Variants in ANKRD55 observed in about 807,000 individuals in gnomAD.
The protein encoded by ANKRD55 is ankyrin repeat domain-containing protein 55.
ANKRD55 carries 41 observed loss-of-function variants against 60.6 expected under a neutral mutation model. The ratio of observed to expected loss-of-function variants is 0.68; its 90% CI spans 0.53 to 0.88. ANKRD55 has a LOEUF of 0.88. Among genes scored for constraint, ANKRD55 ranks in the 40% least tolerant of loss-of-function variants. The pLI is 0.00. For synonymous variants in ANKRD55, 264 were observed against 290.3 expected (o/e 0.91, Z 0.92); for missense variants, 732 against 767.6 (o/e 0.95, Z 0.55).
intron 2 of ANKRD55, among the ~76,000 whole-genome samples, chr5:56,186,968 A>G (rs1561285307): frequency 6.6e-6 from 1 of 152,240 alleles, no homozygotes; most frequent in African/African-American, 2.4e-5. Context: ...ATGTGCCTAT[A>G]TAACAGACAT....
At chr5:56,121,434 A>G (rs546265690) in intron 8 of ANKRD55, among the ~76,000 whole-genome samples, 15 of 142,236 alleles carry the variant, frequency 1.1e-4, no homozygotes, top group South Asian at 4.4e-4. Flanking sequence ...GTGCAGTGGC[A>G]CAATCTCGGC....
At chr5:56,226,652 A>G (rs2111897631) in intron 2 of ANKRD55, among the ~76,000 whole-genome samples, 1 of 152,350 alleles carries the variant, frequency 6.6e-6, no homozygotes, top group Non-Finnish European at 1.5e-5. Flanking sequence ...AAAAAATCAA[A>G]CAACCCCATC....
At chr5:56,168,599 T>C (rs2111809732) in intron 5 of ANKRD55, among the ~76,000 whole-genome samples, 1 of 152,332 alleles carries the variant, frequency 6.6e-6, no homozygotes, top group Non-Finnish European at 1.5e-5. Flanking sequence ...GGTATGTATG[T>C]AGAGGAAAAA....
rs546511152 is a variant in ANKRD55 at position 56,198,186 on chromosome 5, T to C, written c.59-14552A>G. On this transcript the variant is annotated intron_variant, in intron 2 of 11. Transcript: ENST00000341048. ...TAAACCTACGAACTGGGTTTCCCTA[T>C]GAGATTGAAAGTAAAAGTCTAAGAA... is the stretch of plus-strand genomic sequence containing the variant. Among the ~76,000 whole-genome samples the C allele has an allele frequency of 5.3e-5, 8 of 152,336 alleles. No individual in the cohort carries two copies. In the South Asian group the frequency reaches 1.5e-3, roughly 28 times the overall value.
chr5:56,135,626 C>T (rs1221813691), intron 7 of ANKRD55, among the ~76,000 whole-genome samples: 1 of 152,060 alleles, frequency 6.6e-6, no homozygotes, highest in Admixed American at 6.6e-5. Context: ...GCATCGGCCT[C>T]CCAAAGTGCT....
At chr5:56,222,193 T>C (rs1425018011) in intron 2 of ANKRD55, among the ~76,000 whole-genome samples, 1 of 152,176 alleles carries the variant, frequency 6.6e-6, no homozygotes, top group Non-Finnish European at 1.5e-5. Context: ...TCTGCAATAT[T>C]TGTGGTTCTG....
intron 6 of ANKRD55, among the ~76,000 whole-genome samples, chr5:56,153,294 C>T (rs1758101062): frequency 2.0e-5 from 3 of 151,964 alleles, no homozygotes; most frequent in Admixed American, 6.6e-5. Flanking sequence ...AACAACGACA[C>T]GCAGCTATTT....
chr5:56,115,370 G>A (rs1756857495), intron 9 of ANKRD55, among the ~76,000 whole-genome samples: 1 of 149,882 alleles, frequency 6.7e-6, no homozygotes, highest in Non-Finnish European at 1.5e-5. Flanking sequence ...CCAGGCTGGA[G>A]TGCAGTGGCA....
intron 2 of ANKRD55, among the ~76,000 whole-genome samples, chr5:56,213,632 CAA>C (rs1370437355): frequency 2.0e-5 from 3 of 152,070 alleles, no homozygotes; most frequent in African/African-American, 7.2e-5. Flanking sequence ...ACTAGAGCAG[CAA>C]AGAGTCCAGA....
chr5:56,166,165 C>CTTT (rs1561277927), intron 5 of ANKRD55, among the ~76,000 whole-genome samples: 11 of 38,902 alleles, frequency 2.8e-4, no homozygotes, highest in African/African-American at 1.1e-3. Context: ...TTCTTTCCTT[C>CTTT]CTTCCTTCCT....
chr5:56,212,347 A>C (rs1287950628), intron 2 of ANKRD55, among the ~76,000 whole-genome samples: 3 of 152,242 alleles, frequency 2.0e-5, no homozygotes, highest in Admixed American at 6.5e-5. Context: ...CTATAAGATA[A>C]ACAGATAAAA....
intron 2 of ANKRD55, among the ~76,000 whole-genome samples, chr5:56,210,543 AG>A (rs1173561020): frequency 1.4e-5 from 2 of 142,834 alleles, no homozygotes; most frequent in African/African-American, 5.3e-5. Context: ...CCTGGGCGAC[AG>A]AGCGAGACTA....
rs192722964 is a variant in ANKRD55, at chr5:56,120,695, C to A, written c.798-3913G>T. ...CAGGCGGATCACGAGGTCAGGAGAT[C>A]GAGACCATCCTGGCTAACACGGTGA... On this transcript the variant is annotated intron_variant, in intron 8 of 11. Transcript: ENST00000341048. Among the ~76,000 whole-genome samples the A allele has an allele frequency of 4.6e-3, 705 of 152,044 alleles. 3 individuals are homozygous for A. The highest frequency in any genetic ancestry group is 7.4e-3 in the Non-Finnish European group (501 of 67,984).
intron 9 of ANKRD55, among the ~76,000 whole-genome samples, chr5:56,112,511 A>AAAAAACAAAAAAAAAAACAAAAAAAAAAC (rs1554036586): frequency 1.2e-5 from 1 of 81,528 alleles, no homozygotes; most frequent in African/African-American, 5.4e-5. Context: ...TAGCAAAAAA[A>AAAAAACAAAAAAAAAAACAAAAAAAAAAC]AAAAAAAAAA....
intron 9 of ANKRD55, among the ~76,000 whole-genome samples, chr5:56,112,783 C>T (rs961831429): frequency 2.0e-5 from 3 of 152,112 alleles, no homozygotes; most frequent in East Asian, 1.9e-4. Context: ...AAACCTGACC[C>T]GTGTGTGTGC....
intron 7 of ANKRD55, among the ~76,000 whole-genome samples, chr5:56,128,928 T>C (rs1033622715): frequency 6.6e-6 from 1 of 152,220 alleles, no homozygotes; most frequent in African/African-American, 2.4e-5. Flanking sequence ...GGAACTAAAG[T>C]GAAAACTGTT....
At chr5:56,112,116 G>A (rs1756727259) in intron 9 of ANKRD55, among the ~76,000 whole-genome samples, 1 of 152,172 alleles carries the variant, frequency 6.6e-6, no homozygotes, top group Non-Finnish European at 1.5e-5. Flanking sequence ...TTAGCTGAAA[G>A]TGTTGTTCTC....
At chr5:56,147,454 G>A (rs750702858) in intron 6 of ANKRD55, among the ~76,000 whole-genome samples, 119 of 152,230 alleles carry the variant, frequency 7.8e-4, no homozygotes, top group Non-Finnish European at 1.5e-3. Flanking sequence ...CTATATTTTT[G>A]TTTCATTTGG....
intron 6 of ANKRD55, among the ~76,000 whole-genome samples, chr5:56,146,325 C>A (rs555533398): frequency 1.1e-4 from 17 of 151,462 alleles, no homozygotes; most frequent in African/African-American, 4.1e-4. Context: ...CGCTCTGTCG[C>A]CCAGGCTGGA....
Sources: gnomAD v4.1 joint callset for allele counts (sites outside exome capture counted in the v4.1 genomes callset) on GRCh38, gnomAD v4.1.1 for gene constraint, MANE v1.5 for transcripts, NCBI Gene and HGNC (gene_info 2026-07-23, HGNC 2026-07-21) for gene names.